The following DZIP1 variants were observed in gnomAD, a reference collection of about 807,000 sequenced individuals.
The protein encoded by DZIP1 is cilium assembly protein DZIP1.
Under a neutral mutation model 107.6 loss-of-function variants are expected in DZIP1, and 97 were observed. The ratio of observed to expected loss-of-function variants is 0.90; its 90% CI spans 0.77 to 1.07. The LOEUF (loss-of-function observed/expected upper bound fraction) is 1.07. Among genes scored for constraint, DZIP1 ranks in the 50% least tolerant of loss-of-function variants. The pLI is 0.00. For missense variants in DZIP1, 1,035 were observed against 1,063.6 expected, an observed-to-expected ratio of 0.97 and a Z score of 0.37; for synonymous variants, 390 against 386.4, an observed-to-expected ratio of 1.01 and a Z score of -0.11.
Position 95,587,696 on chromosome 13 carries a change from C to T in DZIP1, c.2061G>A (p.Glu687=), listed in dbSNP as rs267603868. The part of the protein sequence containing the change: ...TPPFSSEEEQ[E]DDDLIRAYAS... ...CGTATGCCCGGATGAGGTCGTCGTCCTCCTGCTCCTCCTCTGAACTAAAAG... is the reference window on the plus strand; with the variant it reads ...CGTATGCCCGGATGAGGTCGTCGTCTTCCTGCTCCTCCTCTGAACTAAAAG... Residue 687 remains glutamate, a synonymous_variant, in exon 20 of 23, where the codon GAG becomes GAA. Coordinates refer to ENST00000376829, the MANE Select transcript of DZIP1 (RefSeq NM_198968.4). 3 of 1,613,924 alleles carry T rather than the reference C, an allele frequency of 1.9e-6. No homozygotes were observed. Among genetic ancestry groups the T allele is most frequent in the Admixed American group, 1.7e-5 (1 of 60,000 alleles).
chr13:95,616,043 T>C (rs999627366), intron 10 of DZIP1, among the ~76,000 whole-genome samples: 2 of 152,192 alleles, frequency 1.3e-5, no homozygotes, highest in East Asian at 1.9e-4. Context: ...GGACATGAAC[T>C]GTAAGAACAG....
chr13:95,582,966 A>C (rs1350164908), intron 22 of DZIP1, among the ~76,000 whole-genome samples: 1 of 152,204 alleles, frequency 6.6e-6, no homozygotes, highest in Non-Finnish European at 1.5e-5. Context: ...ATTAGAGTTG[A>C]TGCTTAGCAC....
intron 6 of DZIP1, 101 bp downstream of exon 6, chr13:95,633,133 C>A: frequency 9.1e-7 from 1 of 1,104,036 alleles, no homozygotes; most frequent in Non-Finnish European, 1.3e-6. Context: ...GACCGTGATG[C>A]TTCTTTTAAG....
Position 95,585,987 on chromosome 13 carries a change from C to A in DZIP1, c.2349+19G>T. 1 of 1,577,024 alleles carries A rather than the reference C, an allele frequency of 6.3e-7. No individual in the cohort carries two copies. The highest frequency in any genetic ancestry group is 1.2e-5 in the South Asian group (1 of 84,088). On this transcript the variant is annotated intron_variant, in intron 21 of 22. Coordinates refer to ENST00000376829, the MANE Select transcript of DZIP1 (RefSeq NM_198968.4). ...CAAAGACAAATTTATGTATATCTAG[C>A]AAGTAAAAGTGATTTCACCTTTAGT...
At chr13:95,587,180 G>T (rs942308000) in intron 20 of DZIP1, among the ~76,000 whole-genome samples, 3 of 152,190 alleles carry the variant, frequency 2.0e-5, no homozygotes, top group African/African-American at 7.2e-5. Flanking sequence ...CAAGGACAGA[G>T]GCGCGGAACA....
chr13:95,636,070 AGAAAG>A (rs1407205467), intron 5 of DZIP1, among the ~76,000 whole-genome samples: 1 of 152,166 alleles, frequency 6.6e-6, no homozygotes, highest in East Asian at 1.9e-4. Flanking sequence ...CTATAAATTA[AGAAAG>A]GAATCTAAAG....
chr13:95,584,823 C>T lies in DZIP1; in HGVS notation c.2437G>A (p.Glu813Lys), dbSNP rs769638971. Residue 813 changes from glutamate to lysine, a missense_variant, in exon 22 of 23, where the codon GAA (glutamate) becomes AAA (lysine). Physicochemically the swap from Glu to Lys is moderately conservative, Grantham distance 56. Coordinates refer to ENST00000376829, the MANE Select transcript of DZIP1 (RefSeq NM_198968.4). ...LGKKSGKEQK[E>K]PPPAKNEPHF... ...GGTTCATTTTTCGCAGGTGGAGGTT[C>T]CTTCTGTTCTTTCCCAGATTTTTTT... The T allele has an allele frequency of 1.2e-6, 2 of 1,613,950 alleles. No individual in the cohort carries two copies. The highest frequency in any genetic ancestry group is 1.1e-5 in the South Asian group (1 of 91,072).
At chr13:95,582,908 C>G (rs1304883884) in intron 22 of DZIP1, among the ~76,000 whole-genome samples, 1 of 152,096 alleles carries the variant, frequency 6.6e-6, no homozygotes, top group East Asian at 1.9e-4. Flanking sequence ...ATCCTCTTGG[C>G]CCTGTAAAGA....
At chr13:95,599,212 T>C (rs924796733) in intron 15 of DZIP1, 153 bp downstream of exon 15, 8 of 621,550 alleles carry the variant, frequency 1.3e-5, no homozygotes, top group Non-Finnish European at 2.3e-5. Context: ...GATAACAGGA[T>C]ACTCTATGTG....
At chr13:95,615,213 C>T (rs1238204486) in intron 10 of DZIP1, among the ~76,000 whole-genome samples, 2 of 152,180 alleles carry the variant, frequency 1.3e-5, no homozygotes, top group Non-Finnish European at 2.9e-5. Flanking sequence ...TCTATCACAA[C>T]TCGCAATGAC....
chr13:95,641,778 C>CGCG lies in DZIP1; in HGVS notation c.111_113dup (p.Ala38dup), dbSNP rs748909193. 12 of 1,538,990 alleles carry CGCG rather than the reference C, an allele frequency of 7.8e-6. No homozygotes were observed. In the Admixed American group the frequency reaches 1.3e-4, roughly 16 times the overall value. ...GCGCACAGGCCATGGAGGCCGCACCCGCGGCGGCGGCGGCCACAGCGACGT... is the reference window on the plus strand; with the variant it reads ...GCGCACAGGCCATGGAGGCCGCACCCGCGGCGGCGGCGGCGGCCACAGCGACGT... On this transcript the variant is annotated inframe_insertion, in exon 5 of 23. Transcript: ENST00000376829. The surrounding 1 kb of genome is among the most constrained non-coding windows in gnomAD (Gnocchi z 4.3).
chr13:95,609,145 C>T (rs1360902654), intron 13 of DZIP1, among the ~76,000 whole-genome samples: 2 of 138,508 alleles, frequency 1.4e-5, no homozygotes, highest in African/African-American at 2.8e-5. Flanking sequence ...GTCACACAGT[C>T]GCATAGTGTA....
Position 95,641,895 on chromosome 13 carries a change from T to TG in DZIP1, c.37-41dup, listed in dbSNP as rs986322217. 9 of 151,340 alleles carry TG rather than the reference T, an allele frequency of 5.9e-5. No individual in the cohort carries two copies. The highest frequency in any genetic ancestry group is 1.8e-4 in the African/African-American group (2 of 11,298). 9.4% of individuals were successfully genotyped at this position (151,340 alleles called of 1,614,324 possible). ...AAGAGAGCGCGGCGGGAGGCGGGGATGGGGGGCGGGCAGGCTGGGGAGCTG... is the reference window on the plus strand; with the variant it reads ...AAGAGAGCGCGGCGGGAGGCGGGGATGGGGGGGCGGGCAGGCTGGGGAGCTG... On this transcript the variant is annotated intron_variant, in intron 4 of 22. Coordinates refer to ENST00000376829, the MANE Select transcript of DZIP1 (RefSeq NM_198968.4). This position sits in a 1 kb window ranked among gnomAD's most constrained non-coding sequence, Gnocchi z 4.3.
chr13:95,620,091 T>C, intron 9 of DZIP1, 144 bp from the exon 10 acceptor site: 1 of 777,058 alleles, frequency 1.3e-6, no homozygotes, highest in Non-Finnish European at 2.0e-6. Flanking sequence ...TGGCTCTCGG[T>C]CCCCACTCAA....
In DZIP1 at chr13:95,641,088, T is replaced by G. The variant is rs777027498; in HGVS notation, c.597+207A>C. Among the ~76,000 whole-genome samples, 11 of 152,204 alleles carry G rather than the reference T, an allele frequency of 7.2e-5. No homozygotes were observed. Among genetic ancestry groups the G allele is most frequent in the Non-Finnish European group, 7.3e-5 (5 of 68,044 alleles). On this transcript the variant is annotated intron_variant, in intron 5 of 22. Coordinates refer to ENST00000376829, the MANE Select transcript of DZIP1 (RefSeq NM_198968.4). The surrounding 1 kb of genome is among the most constrained non-coding windows in gnomAD (Gnocchi z 4.3). ...AAAGCACCACAGACGACATTTGTTG[T>G]TTAATTATTAATCCCCTGATTGTCT...
intron 14 of DZIP1, 34 bp downstream of exon 14, chr13:95,605,969 C>A: frequency 6.2e-7 from 1 of 1,607,050 alleles, no homozygotes; most frequent in Non-Finnish European, 8.5e-7. Flanking sequence ...GTGGCAACTG[C>A]ACATAAAACG....
intron 10 of DZIP1, among the ~76,000 whole-genome samples, chr13:95,612,967 T>C (rs1326901208): frequency 1.3e-5 from 2 of 151,270 alleles, no homozygotes; most frequent in Non-Finnish European, 2.9e-5. Context: ...TACTGATAGA[T>C]GTTTACCGAG....
In DZIP1 at chr13:95,609,531, TA is replaced by T; in HGVS notation, c.1364-19del. ...AGGATTTCCTGAAATGACAGAAAAATAAATGAACAAAAAACATCACAAGCTA... is the reference window on the plus strand; with the variant it reads ...AGGATTTCCTGAAATGACAGAAAAATAATGAACAAAAAACATCACAAGCTA... On this transcript the variant is annotated intron_variant, in intron 12 of 22. Coordinates refer to ENST00000376829, the MANE Select transcript of DZIP1 (RefSeq NM_198968.4). The T allele has an allele frequency of 6.4e-7, 1 of 1,565,832 alleles. No individual in the cohort carries two copies. Among genetic ancestry groups the T allele is most frequent in the Non-Finnish European group, 8.6e-7 (1 of 1,157,816 alleles).
intron 18 of DZIP1, 115 bp from the exon 19 acceptor site, chr13:95,589,322 A>G (rs2044247999): frequency 1.3e-6 from 1 of 765,118 alleles, no homozygotes; most frequent in Admixed American, 2.8e-5. Context: ...GAGGAAGAGC[A>G]GCAACAAAAG....
Sources: allele counts gnomAD v4.1 joint callset (sites outside exome capture counted in the v4.1 genomes callset), GRCh38; gene constraint gnomAD v4.1.1; non-coding constraint Gnocchi (gnomAD v3.1); transcripts MANE v1.5; gene names NCBI Gene and HGNC (gene_info 2026-07-23, HGNC 2026-07-21).